SLC24A2: variants seen among roughly 807,000 people sequenced by gnomAD.
SLC24A2 encodes sodium/potassium/calcium exchanger 2.
SLC24A2 carries 36 observed loss-of-function variants against 62.0 expected under a neutral mutation model. The ratio of observed to expected loss-of-function variants is 0.58; its 90% CI spans 0.44 to 0.77. The LOEUF (loss-of-function observed/expected upper bound fraction) is 0.77, where lower values mean the gene tolerates loss of function less well. SLC24A2 is among the 30% of genes least tolerant of loss of function. The pLI is 0.00. For missense variants in SLC24A2, 846 were observed against 817.9 expected, an observed-to-expected ratio of 1.03 and a Z score of -0.42; for synonymous variants, 358 against 294.0, an observed-to-expected ratio of 1.22 and a Z score of -2.23.
chr9:19,625,406 G>A (rs951539850), intron 2 of SLC24A2, among the ~76,000 whole-genome samples: 44 of 152,250 alleles, frequency 2.9e-4, no homozygotes, highest in African/African-American at 9.9e-4. Flanking sequence ...ATTCTTTGAG[G>A]ATTGTTTAAA....
the SLC24A2 span, among the ~76,000 whole-genome samples, chr9:19,904,594 T>G: frequency 6.6e-6 from 1 of 152,188 alleles, no homozygotes; most frequent in Non-Finnish European, 1.5e-5. Context: ...ATCGTTGCAT[T>G]TGGGGGGAAA....
the SLC24A2 span, among the ~76,000 whole-genome samples, chr9:19,857,643 T>C: frequency 6.6e-6 from 1 of 152,222 alleles, no homozygotes; most frequent in African/African-American, 2.4e-5. Context: ...AAATGATTTA[T>C]TAATTTAATT....
intron 2 of SLC24A2, among the ~76,000 whole-genome samples, chr9:19,768,155 C>T (rs1822577705): frequency 6.6e-6 from 1 of 152,182 alleles, no homozygotes; most frequent in Non-Finnish European, 1.5e-5. Context: ...TCAATACTGC[C>T]ACATTGGGAA....
chr9:20,268,225 A>G, the SLC24A2 span, among the ~76,000 whole-genome samples: 2 of 152,082 alleles, frequency 1.3e-5, no homozygotes, highest in Admixed American at 1.3e-4. Flanking sequence ...AATAGGGAGG[A>G]GCAGAGGAGA....
chr9:20,255,574 G>T, the SLC24A2 span, among the ~76,000 whole-genome samples: 3 of 152,144 alleles, frequency 2.0e-5, no homozygotes, highest in Non-Finnish European at 4.4e-5. Context: ...TGAGAGCTCA[G>T]GTGTAGCTGT....
At chr9:20,086,262 C>G in the SLC24A2 span, among the ~76,000 whole-genome samples, 1 of 152,122 alleles carries the variant, frequency 6.6e-6, no homozygotes, top group Non-Finnish European at 1.5e-5. Flanking sequence ...ATAGCCCATC[C>G]TCCCCATTCT....
chr9:20,027,823 T>C, the SLC24A2 span, among the ~76,000 whole-genome samples: 1 of 152,212 alleles, frequency 6.6e-6, no homozygotes, highest in African/African-American at 2.4e-5. Context: ...TGAGGTAATA[T>C]ATTTGTTGAT....
chr9:19,837,726 G>A, the SLC24A2 span, among the ~76,000 whole-genome samples: 2 of 151,764 alleles, frequency 1.3e-5, no homozygotes, highest in South Asian at 4.2e-4. Context: ...AAAGTCTCAG[G>A]ATACAAAATC....
chr9:20,058,811 A>C, the SLC24A2 span, among the ~76,000 whole-genome samples: 1 of 152,332 alleles, frequency 6.6e-6, no homozygotes, highest in Non-Finnish European at 1.5e-5. Flanking sequence ...ATGTGTGTAC[A>C]GTTTTCCACC....
chr9:20,290,067 G>C, the SLC24A2 span, among the ~76,000 whole-genome samples: 1 of 152,140 alleles, frequency 6.6e-6, no homozygotes, highest in Admixed American at 6.5e-5. Flanking sequence ...GTGGCTTACA[G>C]GTCTCTTCGC....
the SLC24A2 span, among the ~76,000 whole-genome samples, chr9:19,951,684 C>T: frequency 6.6e-6 from 1 of 151,998 alleles, no homozygotes; most frequent in Admixed American, 6.6e-5. Context: ...CTATTCTGTT[C>T]CACTGATTTT....
chr9:19,649,952 T>A (rs563865041), intron 2 of SLC24A2, among the ~76,000 whole-genome samples: 2 of 152,340 alleles, frequency 1.3e-5, no homozygotes, highest in South Asian at 4.1e-4. Flanking sequence ...GCAAGTCTCA[T>A]GGCCAAGGAG....
chr9:19,719,763 G>A (rs77429113), intron 2 of SLC24A2, among the ~76,000 whole-genome samples: 113 of 152,336 alleles, frequency 7.4e-4, no homozygotes, highest in Non-Finnish European at 1.3e-3. Flanking sequence ...AGATGTCTGA[G>A]AAGGTTTTTA....
chr9:20,080,954 C>G, the SLC24A2 span, among the ~76,000 whole-genome samples: 1 of 152,058 alleles, frequency 6.6e-6, no homozygotes, highest in Non-Finnish European at 1.5e-5. Flanking sequence ...GTTAGAATGG[C>G]AATCATTAAA....
At chr9:19,982,827 T>C in the SLC24A2 span, among the ~76,000 whole-genome samples, 2 of 152,142 alleles carry the variant, frequency 1.3e-5, no homozygotes, top group African/African-American at 4.8e-5. Flanking sequence ...TTATATACTA[T>C]GACAAAGTGA....
the SLC24A2 span, among the ~76,000 whole-genome samples, chr9:20,141,204 G>T: frequency 6.6e-6 from 1 of 152,098 alleles, no homozygotes; most frequent in Admixed American, 6.5e-5. Context: ...AATGAATACA[G>T]CACTTGATGA....
the SLC24A2 span, among the ~76,000 whole-genome samples, chr9:20,020,705 G>C: frequency 6.6e-6 from 1 of 152,074 alleles, no homozygotes; most frequent in African/African-American, 2.4e-5. Context: ...ACGTATCCCA[G>C]AACTTAAAAT....
intron 2 of SLC24A2, among the ~76,000 whole-genome samples, chr9:19,689,916 A>G (rs1355478610): frequency 6.6e-6 from 1 of 152,114 alleles, no homozygotes; most frequent in Non-Finnish European, 1.5e-5. Context: ...GCCCTCTCCA[A>G]TGTGGGTATG....
At chr9:20,014,917 T>C in the SLC24A2 span, among the ~76,000 whole-genome samples, 5 of 152,228 alleles carry the variant, frequency 3.3e-5, no homozygotes, top group Non-Finnish European at 7.3e-5. Context: ...GTAAGTATGG[T>C]GATAGAAATG....
Sources: gnomAD v4.1 joint callset for allele counts (sites outside exome capture counted in the v4.1 genomes callset) on GRCh38, gnomAD v4.1.1 for gene constraint, MANE v1.5 for transcripts, NCBI Gene and HGNC (gene_info 2026-07-23, HGNC 2026-07-21) for gene names.